Variants in ITGBL1 observed in about 807,000 individuals in gnomAD.
ITGBL1 encodes integrin subunit beta like 1, also known as integrin beta-like protein 1.
In ITGBL1, 51 loss-of-function variants were observed where a neutral mutation model predicts 68.5. The ratio of observed to expected loss-of-function variants is 0.74; its 90% confidence interval spans 0.59 to 0.94. The LOEUF (loss-of-function observed/expected upper bound fraction) is 0.94, where lower values mean the gene tolerates loss of function less well. ITGBL1 is among the 40% of genes least tolerant of loss of function. The pLI is 0.00. For missense variants in ITGBL1, 649 were observed against 647.4 expected, an observed-to-expected ratio of 1.00 and a Z score of -0.03; for synonymous variants, 209 against 227.3, an observed-to-expected ratio of 0.92 and a Z score of 0.72.
At chr13:101,605,669 T>C (rs2030767872) in intron 7 of ITGBL1, among the ~76,000 whole-genome samples, 1 of 151,588 alleles carries the variant, frequency 6.6e-6, no homozygotes, top group Admixed American at 6.6e-5. Context: ...TATGTAGACA[T>C]GTATGTGTTT....
At chr13:101,571,516 A>G (rs2050272226) in intron 3 of ITGBL1, among the ~76,000 whole-genome samples, 1 of 152,090 alleles carries the variant, frequency 6.6e-6, no homozygotes, top group Non-Finnish European at 1.5e-5. Context: ...AATATATTTT[A>G]TAATGTATAG....
At chr13:101,542,608 C>G (rs1477279711) in intron 2 of ITGBL1, among the ~76,000 whole-genome samples, 1 of 152,090 alleles carries the variant, frequency 6.6e-6, no homozygotes, top group East Asian at 1.9e-4. Context: ...TCCTGGATAT[C>G]CTTGTTAACT....
rs1555361661 is a variant in ITGBL1, at chr13:101,604,887, T to TGTATATATATATACACACAC, written c.1015+6588_1015+6589insGTATATATATATACACACAC. On this transcript the variant is annotated intron_variant, in intron 7 of 10. Coordinates refer to ENST00000376180, the MANE Select transcript of ITGBL1 (RefSeq NM_004791.3). ...ATATATATATATATATATATATATATACACACACACACACATATATATGTG... is the reference window on the plus strand; with the variant it reads ...ATATATATATATATATATATATATATGTATATATATATACACACACACACACACACACACATATATATGTG... 2.7e-4 allele frequency among the ~76,000 whole-genome samples: 6 copies of TGTATATATATATACACACAC among 22,164 alleles called. 2 individuals are homozygous for TGTATATATATATACACACAC. In the Admixed American group the frequency reaches 3.2e-3, roughly 12 times the overall value. The allele number at this position is 22,164 out of a possible 152,430, so 14.5% of individuals were successfully genotyped here.
downstream of ITGBL1, chr13:101,719,190 A>ATAAG (rs1270160550): frequency 4.6e-5 from 7 of 152,144 alleles, no homozygotes; most frequent in Non-Finnish European, 5.9e-5. Flanking sequence ...TACTTAAAGA[A>ATAAG]TAAGTTTTTG....
intron 6 of ITGBL1, among the ~76,000 whole-genome samples, chr13:101,583,792 A>G (rs772214282): frequency 3.3e-5 from 5 of 152,222 alleles, no homozygotes; most frequent in Non-Finnish European, 7.3e-5. Flanking sequence ...TTATATTTGC[A>G]GTGCTCCTAC....
At chr13:101,668,381 C>G (rs1007387850) in intron 7 of ITGBL1, among the ~76,000 whole-genome samples, 2 of 151,502 alleles carry the variant, frequency 1.3e-5, no homozygotes, top group Admixed American at 6.6e-5. Context: ...GAGTGAAACT[C>G]CATCTCAAAA....
In ITGBL1 at chr13:101,583,847, A is replaced by C. The variant is rs2050505973; in HGVS notation, c.868+491A>C. On this transcript the variant is annotated intron_variant, in intron 6 of 10. Coordinates refer to ENST00000376180, the MANE Select transcript of ITGBL1 (RefSeq NM_004791.3). Reference sequence around the variant, plus strand: ...CAGAGAATTCCCAAAGTTGGCAAAGACTAGAGATGAGAGGGCACCCACTCT... The same window carrying C: ...CAGAGAATTCCCAAAGTTGGCAAAGCCTAGAGATGAGAGGGCACCCACTCT... Among the ~76,000 whole-genome samples the C allele has an allele frequency of 1.3e-5, 2 of 152,196 alleles. 1 individual carries two copies. The highest frequency in any genetic ancestry group is 4.1e-4 in the South Asian group (2 of 4,830).
chr13:101,569,480 G>A (rs2050238907), intron 3 of ITGBL1, among the ~76,000 whole-genome samples: 3 of 152,104 alleles, frequency 2.0e-5, no homozygotes, highest in Admixed American at 2.0e-4. Context: ...AAGCATGGAT[G>A]CAATACCTTT....
chr13:101,498,780 C>CTGT (rs2048895357), intron 2 of ITGBL1, among the ~76,000 whole-genome samples: 1 of 152,144 alleles, frequency 6.6e-6, no homozygotes, highest in Non-Finnish European at 1.5e-5. Flanking sequence ...CTGTGTTAGC[C>CTGT]TGTTTTTAGG....
chr13:101,706,416 A>G (rs1350895179), intron 8 of ITGBL1, among the ~76,000 whole-genome samples: 1 of 152,228 alleles, frequency 6.6e-6, no homozygotes, highest in Non-Finnish European at 1.5e-5. Context: ...TCTGGATGGC[A>G]TGGTGTGTGC....
intron 7 of ITGBL1, among the ~76,000 whole-genome samples, chr13:101,606,723 C>G (rs999925310): frequency 1.3e-5 from 2 of 151,930 alleles, no homozygotes; most frequent in African/African-American, 4.8e-5. Context: ...TCGTCTCTGA[C>G]CCATTAGCTT....
chr13:101,548,468 T>C (rs1315766812), intron 2 of ITGBL1, among the ~76,000 whole-genome samples: 1 of 151,860 alleles, frequency 6.6e-6, no homozygotes, highest in Non-Finnish European at 1.5e-5. Flanking sequence ...ATGCCTTAAA[T>C]GTATGACCAC....
intron 9 of ITGBL1, 112 bp downstream of exon 9, chr13:101,707,014 T>G: frequency 9.0e-7 from 1 of 1,105,344 alleles, no homozygotes; most frequent in Non-Finnish European, 1.3e-6. Context: ...AGCAAACCAC[T>G]ATGTCCTCTG....
At chr13:101,468,036 A>G (rs915385407) in intron 2 of ITGBL1, among the ~76,000 whole-genome samples, 4 of 152,212 alleles carry the variant, frequency 2.6e-5, no homozygotes, top group African/African-American at 9.6e-5. Flanking sequence ...CTAATTGTTC[A>G]TTACTGCTTT....
intron 7 of ITGBL1, among the ~76,000 whole-genome samples, chr13:101,685,697 T>A (rs1475250532): frequency 1.3e-5 from 2 of 152,078 alleles, no homozygotes; most frequent in African/African-American, 4.8e-5. Flanking sequence ...TCTAGGCCAG[T>A]GATATATTTG....
chr13:101,467,368 T>A (rs759022956), intron 2 of ITGBL1, among the ~76,000 whole-genome samples: 3 of 152,200 alleles, frequency 2.0e-5, no homozygotes, highest in Non-Finnish European at 4.4e-5. Context: ...TGGAAAAGTC[T>A]GGTACAGCTA....
chr13:101,637,533 T>C (rs542288741), intron 7 of ITGBL1, among the ~76,000 whole-genome samples: 136 of 152,078 alleles, frequency 8.9e-4, no homozygotes, highest in South Asian at 2.1e-3. Context: ...TTAGTAGAGA[T>C]GGGGTTTCAT....
chr13:101,712,734 C>G (rs1032450795), intron 9 of ITGBL1: 1 of 152,168 alleles, frequency 6.6e-6, no homozygotes, highest in Non-Finnish European at 1.5e-5. Flanking sequence ...AGATATATCA[C>G]TATCCATTTG....
rs115677531 is a variant in ITGBL1 at position 101,577,078 on chromosome 13, A to G, written c.586+1532A>G. ...TGTAACTTGAAACAACACAACAGAA[A>G]ATGTTTAACTTTCAAACTTTCTAGT... On this transcript the variant is annotated intron_variant, in intron 4 of 10. Transcript: ENST00000376180. Among the ~76,000 whole-genome samples the G allele has an allele frequency of 5.1e-3, 777 of 152,274 alleles. 9 individuals carry two copies. The highest frequency in any genetic ancestry group is 0.018 in the African/African-American group (736 of 41,564).
Sources: allele counts gnomAD v4.1 joint callset (sites outside exome capture counted in the v4.1 genomes callset), GRCh38; gene constraint gnomAD v4.1.1; transcripts MANE v1.5; gene names NCBI Gene and HGNC (gene_info 2026-07-23, HGNC 2026-07-21).